MKLN1: variants seen among roughly 807,000 people sequenced by gnomAD.
MKLN1 encodes the protein muskelin.
MKLN1 carries 18 observed loss-of-function variants against 99.0 expected under a neutral mutation model. That is an observed-to-expected ratio of 0.18 (90% confidence interval 0.13 to 0.27). The LOEUF is 0.27. MKLN1 is among the 10% of genes least tolerant of loss of function. The probability of loss-of-function intolerance (pLI) is 1.00; values close to 1 mark genes in which losing one functional copy is unlikely to be tolerated. For missense variants in MKLN1, 621 were observed against 875.9 expected (o/e 0.71, Z 3.67); for synonymous variants, 288 against 293.2 (o/e 0.98, Z 0.18).
At chr7:131,208,741 G>A (rs34768506) in intron 3 of MKLN1, among the ~76,000 whole-genome samples, 21,205 of 152,178 alleles carry the variant, frequency 0.14, 1,919 homozygotes, top group Non-Finnish European at 0.2. Flanking sequence ...GCCTTCATCT[G>A]GGTGCTAGGA....
intron 2 of MKLN1, among the ~76,000 whole-genome samples, chr7:131,382,992 G>A (rs559380218): frequency 6.6e-6 from 1 of 152,150 alleles, no homozygotes; most frequent in African/African-American, 2.4e-5. Context: ...CAAAGTTCTG[G>A]GATTACAGGC....
intron 6 of MKLN1, among the ~76,000 whole-genome samples, chr7:131,403,898 T>C (rs529268535): frequency 6.6e-6 from 1 of 152,318 alleles, no homozygotes; most frequent in South Asian, 2.1e-4. Context: ...GAAGAAATTC[T>C]GTTGGAAAAA....
chr7:131,233,193 A>G (rs1797268516), intron 3 of MKLN1, among the ~76,000 whole-genome samples: 1 of 151,960 alleles, frequency 6.6e-6, no homozygotes, highest in African/African-American at 2.4e-5. Flanking sequence ...CAAACAAACA[A>G]AAAAACAAAG....
intron 3 of MKLN1, among the ~76,000 whole-genome samples, chr7:131,250,515 C>A (rs1400341178): frequency 1.3e-5 from 2 of 152,128 alleles, no homozygotes; most frequent in Admixed American, 6.5e-5. Context: ...CAGGGCCTGA[C>A]AAGCTGTTTC....
At position 131,466,353 on chromosome 7, in the gene MKLN1, G is replaced by A. The variant is rs1584772312; in HGVS notation, c.1866G>A (p.Lys622=). 6.2e-7 allele frequency: 1 copy of A among 1,607,510 alleles called. No homozygotes were observed. The highest frequency in any genetic ancestry group is 8.5e-7 in the Non-Finnish European group (1 of 1,175,550). The change falls in exon 15 of 18, where the codon AAG becomes AAA. Residue 622 remains lysine, a synonymous_variant. Transcript: ENST00000352689. ...KMRLDDFWSL[K]LCRPSKDYLL... ...GATTAGATGACTTCTGGTCACTGAA[G>A]TTGTGTAGACCTTCAAAAGATTATT...
At chr7:131,438,050 T>C in intron 10 of MKLN1, 53 bp downstream of exon 10, 1 of 1,376,618 alleles carries the variant, frequency 7.3e-7, no homozygotes. Context: ...TAGTGATTCT[T>C]GCAATTAGAG....
chr7:131,293,257 C>T (rs1006062753), intron 3 of MKLN1, among the ~76,000 whole-genome samples: 4 of 152,182 alleles, frequency 2.6e-5, no homozygotes, highest in Non-Finnish European at 5.9e-5. Context: ...AGTCAACTTA[C>T]CAAATGACTT....
chr7:131,158,899 A>C (rs1374175475), intron 2 of MKLN1, among the ~76,000 whole-genome samples: 1 of 152,166 alleles, frequency 6.6e-6, no homozygotes, highest in South Asian at 2.1e-4. Context: ...GCAGCATACA[A>C]ATAGATTAGA....
rs75377840 is a variant in MKLN1, at chr7:131,234,577, T to G, written c.-179+31603T>G. Among the ~76,000 whole-genome samples the G allele has an allele frequency of 1.8e-3, 273 of 152,190 alleles. 7 individuals are homozygous for G. The East Asian group carries it at 0.048, about 27-fold the overall frequency. ...CTTTTCTGGTGGTGTTCCCAAGAAA[T>G]AGGAAAGAGAAAAAATGATGTGTGG... On this transcript the variant is annotated intron_variant, in intron 3 of 7. Transcript: ENST00000416992.
chr7:131,447,955 G>A (rs918770689), intron 12 of MKLN1, among the ~76,000 whole-genome samples: 1 of 152,232 alleles, frequency 6.6e-6, no homozygotes, highest in Admixed American at 6.5e-5. Flanking sequence ...GCGGCCACGT[G>A]AGGTGGCTTA....
At chr7:131,254,578 A>T (rs1431272699) in intron 3 of MKLN1, among the ~76,000 whole-genome samples, 1 of 152,196 alleles carries the variant, frequency 6.6e-6, no homozygotes, top group Non-Finnish European at 1.5e-5. Context: ...TTAGATAGAG[A>T]TTATCAATAA....
intron 4 of MKLN1, among the ~76,000 whole-genome samples, chr7:131,395,719 TAAA>T (rs941335193): frequency 6.8e-6 from 1 of 147,472 alleles, no homozygotes; most frequent in Admixed American, 6.8e-5. Flanking sequence ...GTGTTGTTAT[TAAA>T]AAAAAAAGTA....
At chr7:131,211,057 G>T (rs1796900036) in intron 3 of MKLN1, among the ~76,000 whole-genome samples, 1 of 151,856 alleles carries the variant, frequency 6.6e-6, no homozygotes, top group African/African-American at 2.4e-5. Context: ...ATGACACAGT[G>T]TTCATGTACT....
intron 2 of MKLN1, among the ~76,000 whole-genome samples, chr7:131,152,493 CT>C (rs556839203): frequency 0.091 from 12,077 of 132,054 alleles, 632 homozygotes; most frequent in South Asian, 0.21. Context: ...GTTGTTGTTT[CT>C]TTTTTTCTTT....
chr7:131,278,873 A>G (rs1251455830), intron 3 of MKLN1, among the ~76,000 whole-genome samples: 1 of 152,188 alleles, frequency 6.6e-6, no homozygotes, highest in Admixed American at 6.5e-5. Flanking sequence ...GTGCTGAATT[A>G]CAGGCCTGAG....
intron 2 of MKLN1, among the ~76,000 whole-genome samples, chr7:131,193,620 C>T (rs1012098630): frequency 2.6e-5 from 4 of 152,004 alleles, no homozygotes; most frequent in Non-Finnish European, 2.9e-5. Flanking sequence ...GTGATCCGCC[C>T]GCCTCGGCCT....
At chr7:131,235,631 C>T (rs1563262147) in intron 3 of MKLN1, among the ~76,000 whole-genome samples, 1 of 152,122 alleles carries the variant, frequency 6.6e-6, no homozygotes, top group Admixed American at 6.5e-5. Flanking sequence ...GGAGCAAAAT[C>T]TCGGGGATGT....
rs76950224 is a variant in MKLN1 at position 131,247,770 on chromosome 7, C to G, written c.-179+44796C>G. 7.7e-4 allele frequency among the ~76,000 whole-genome samples: 117 copies of G among 152,196 alleles called. 8 individuals carry two copies. In the East Asian group the frequency reaches 0.022, roughly 29 times the overall value. On this transcript the variant is annotated intron_variant, in intron 3 of 7. Transcript: ENST00000416992. ...AGAAGTTATTAGACTAGTAGTATTCCCATTTGAACTGGCAGGGTTTTGTCT... is the reference window on the plus strand; with the variant it reads ...AGAAGTTATTAGACTAGTAGTATTCGCATTTGAACTGGCAGGGTTTTGTCT...
chr7:131,356,436 AT>A (rs1409991311), intron 1 of MKLN1, among the ~76,000 whole-genome samples: 10 of 151,884 alleles, frequency 6.6e-5, no homozygotes, highest in African/African-American at 2.2e-4. Context: ...CCACTGTAAC[AT>A]TTCCCCCCCC....
Sources: allele counts gnomAD v4.1 joint callset (sites outside exome capture counted in the v4.1 genomes callset), GRCh38; gene constraint gnomAD v4.1.1; transcripts MANE v1.5; gene names NCBI Gene and HGNC (gene_info 2026-07-23, HGNC 2026-07-21).